KCTD10: variants seen among roughly 807,000 people sequenced by gnomAD.
The protein encoded by KCTD10 is BTB/POZ domain-containing adapter for CUL3-mediated RhoA degradation protein 3.
Under a neutral mutation model 34.6 loss-of-function variants are expected in KCTD10, and 13 were observed. That is an observed-to-expected ratio of 0.38 (90% confidence interval 0.24 to 0.60). KCTD10 has a LOEUF of 0.60. Among genes scored for constraint, KCTD10 ranks in the 20% least tolerant of loss-of-function variants. KCTD10 has a pLI of 0.66. For missense variants in KCTD10, 256 were observed against 420.3 expected, an observed-to-expected ratio of 0.61 and a Z score of 3.42; for synonymous variants, 156 against 168.8, an observed-to-expected ratio of 0.92 and a Z score of 0.59.
At chr12:109,452,207 T>G (rs1872807855) in intron 6 of KCTD10, among the ~76,000 whole-genome samples, 1 of 152,210 alleles carries the variant, frequency 6.6e-6, no homozygotes, top group Non-Finnish European at 1.5e-5. Context: ...AACCTAGAGA[T>G]CATTCTGTAT....
chr12:109,457,866 CCA>C, intron 4 of KCTD10, 124 bp downstream of exon 4: 1 of 1,006,364 alleles, frequency 9.9e-7, no homozygotes, highest in East Asian at 2.4e-5. Context: ...CTGTAGCTTC[CCA>C]CTGTGAACCC....
intron 5 of KCTD10, 192 bp from the exon 6 acceptor site, chr12:109,456,505 T>TA (rs1873025472): frequency 1.6e-6 from 1 of 624,392 alleles, no homozygotes; most frequent in South Asian, 1.9e-5. Flanking sequence ...AGAAATTAGG[T>TA]AATTGCTCAA....
intron 1 of KCTD10, chr12:109,471,356 T>C: frequency 2.0e-6 from 2 of 985,410 alleles, no homozygotes; most frequent in Non-Finnish European, 2.4e-6. Flanking sequence ...GTGGCCTGGA[T>C]ATCACCTGCC....
intron 1 of KCTD10, among the ~76,000 whole-genome samples, chr12:109,474,831 G>A (rs1032878472): frequency 6.6e-6 from 1 of 152,148 alleles, no homozygotes; most frequent in Non-Finnish European, 1.5e-5. Flanking sequence ...GCTCAGGCAA[G>A]TACAGTAGGA....
rs1872702065 is a variant in KCTD10, at chr12:109,450,247, G to A, written c.*1348C>T. ...AGTCTAGTCTCAACCACCCCTGTCA[G>A]TCACGACTCACTCCTGTTCCTTTGC... On this transcript the variant is annotated 3_prime_UTR_variant, in exon 7 of 7. Transcript: ENST00000228495. The A allele has an allele frequency of 5.0e-6, 2 of 398,632 alleles. No individual in the cohort carries two copies. The highest frequency in any genetic ancestry group is 2.5e-4 in the South Asian group (2 of 7,854). 24.7% of individuals were successfully genotyped at this position (398,632 alleles called of 1,614,324 possible).
In KCTD10 at chr12:109,451,580, C is replaced by G. The variant is rs377189484; in HGVS notation, c.*15G>C. On this transcript the variant is annotated 3_prime_UTR_variant, in exon 7 of 7. Transcript: ENST00000228495. The surrounding 1 kb of genome is among the most constrained non-coding windows in gnomAD (Gnocchi z 5.0). ...TGGGGGCGGTGAGAGGAGGGCGGCT[C>G]GGTCTCTTGCCTGCTCACTGGTGGA... is the stretch of plus-strand genomic sequence containing the variant. The G allele has an allele frequency of 3.1e-6, 5 of 1,591,936 alleles. No individual in the cohort carries two copies. The highest frequency in any genetic ancestry group is 3.4e-6 in the Non-Finnish European group (4 of 1,168,348).
chr12:109,471,007 G>C (rs1444288019), intron 1 of KCTD10: 5 of 544,006 alleles, frequency 9.2e-6, no homozygotes, highest in Non-Finnish European at 1.2e-5. Flanking sequence ...ATGTCCCACA[G>C]TTCTTCCCCA....
chr12:109,471,498 A>C, intron 1 of KCTD10: 6 of 846,612 alleles, frequency 7.1e-6, no homozygotes, highest in Non-Finnish European at 8.5e-6. Flanking sequence ...GGCTTAGCTC[A>C]CCTGGGGTCT....
chr12:109,467,720 A>C (rs999009785), intron 2 of KCTD10, among the ~76,000 whole-genome samples: 1 of 152,118 alleles, frequency 6.6e-6, no homozygotes, highest in African/African-American at 2.4e-5. Flanking sequence ...AACAAGTCAC[A>C]GTTTGCAGTG....
At chr12:109,471,496 T>TCAC (rs1873884037) in intron 1 of KCTD10, 1 of 848,438 alleles carries the variant, frequency 1.2e-6, no homozygotes, top group Non-Finnish European at 1.4e-6. Flanking sequence ...CAGGCTTAGC[T>TCAC]CACCTGGGGT....
chr12:109,470,207 G>C, intron 1 of KCTD10: 1 of 986,860 alleles, frequency 1.0e-6, no homozygotes, highest in Non-Finnish European at 1.2e-6. Context: ...CCACTCAATA[G>C]CTAGCTAAGT....
chr12:109,460,616 GAAGA>G lies in KCTD10; in HGVS notation c.387+16_387+19del. The G allele has an allele frequency of 6.2e-7, 1 of 1,608,786 alleles. No homozygotes were observed. Among genetic ancestry groups the G allele is most frequent in the Non-Finnish European group, 8.5e-7 (1 of 1,176,490 alleles). Reference sequence around the variant, plus strand: ...GCTTGGTGCCTCTCCACCCATATGGGAAGAAAGGGTGATGCCTACTTGTAGGGCC... The same window carrying G: ...GCTTGGTGCCTCTCCACCCATATGGGAAGGGTGATGCCTACTTGTAGGGCC... On this transcript the variant is annotated intron_variant, in intron 3 of 6. Coordinates refer to ENST00000228495, the MANE Select transcript of KCTD10 (RefSeq NM_031954.5). This position sits in a 1 kb window ranked among gnomAD's most constrained non-coding sequence, Gnocchi z 4.5.
intron 1 of KCTD10, among the ~76,000 whole-genome samples, chr12:109,471,609 G>A (rs1430031479): frequency 2.0e-5 from 3 of 152,090 alleles, no homozygotes; most frequent in Non-Finnish European, 2.9e-5. Context: ...CACACTAACA[G>A]TTATGACCAG....
Position 109,457,676 on chromosome 12 carries a change from C to T in KCTD10, c.481G>A (p.Val161Met), listed in dbSNP as rs776814524. The stretch of plus-strand genomic sequence containing the variant: ...TTACTTCTGTTGTAGAGCAACTTCA[C>T]GGCTGGCTGTGGGTTGTTTTAAAAG... ...KLIATSNKPA[V>M]KLLYNRSNNK... Residue 161 changes from valine to methionine, a missense_variant, in exon 5 of 7, where the codon GTG (valine) becomes ATG (methionine). Val to Met is a conservative substitution (Grantham distance 21). Transcript: ENST00000228495. The T allele has an allele frequency of 3.7e-6, 6 of 1,614,026 alleles. No homozygotes were observed. The highest frequency in any genetic ancestry group is 1.3e-5 in the African/African-American group (1 of 74,936).
In KCTD10 at chr12:109,458,498, A is replaced by G. The variant is rs138148435; in HGVS notation, c.388-420T>C. ...AGTGAGGTCAGCAGACCAGTAAAAA[A>G]AGTCAAAAATTTGAGGGTAGAAAGG... On this transcript the variant is annotated intron_variant, in intron 3 of 6. Transcript: ENST00000228495. 21 of 155,672 alleles carry G rather than the reference A, an allele frequency of 1.3e-4. No individual in the cohort carries two copies. The East Asian group carries it at 3.6e-3, about 27-fold the overall frequency. The allele number at this position is 155,672 out of a possible 1,614,324, so 9.6% of individuals were successfully genotyped here.
chr12:109,455,431 G>A (rs1167949071), intron 6 of KCTD10: 4 of 152,092 alleles, frequency 2.6e-5, no homozygotes, highest in African/African-American at 9.7e-5. Flanking sequence ...TTTGTGATGT[G>A]ATGATTTCTT....
intron 6 of KCTD10, among the ~76,000 whole-genome samples, chr12:109,454,222 C>T (rs1447956940): frequency 1.3e-5 from 2 of 152,202 alleles, no homozygotes; most frequent in African/African-American, 4.8e-5. Context: ...TTTGGAATTA[C>T]CTGACAAAGA....
intron 6 of KCTD10, among the ~76,000 whole-genome samples, chr12:109,454,984 T>TA (rs959739210): frequency 2.0e-4 from 31 of 151,244 alleles, no homozygotes; most frequent in African/African-American, 7.0e-4. Flanking sequence ...GGTATATTTT[T>TA]AAAAAATCAA....
At position 109,465,364 on chromosome 12, in the gene KCTD10, G is replaced by T. The variant is rs143818969; in HGVS notation, c.217+4151C>A. Among the ~76,000 whole-genome samples, 146 of 152,282 alleles carry T rather than the reference G, an allele frequency of 9.6e-4. 1 individual carries two copies. The highest frequency in any genetic ancestry group is 3.4e-3 in the African/African-American group (140 of 41,544). On this transcript the variant is annotated intron_variant, in intron 2 of 6. Coordinates refer to ENST00000228495, the MANE Select transcript of KCTD10 (RefSeq NM_031954.5). ...TCACGTTTAAAAACACACCAACAGCGCCTTGTTTAGGGACATGCACAGCTA... is the reference window on the plus strand; with the variant it reads ...TCACGTTTAAAAACACACCAACAGCTCCTTGTTTAGGGACATGCACAGCTA...
Sources: allele counts gnomAD v4.1 joint callset (sites outside exome capture counted in the v4.1 genomes callset), GRCh38; gene constraint gnomAD v4.1.1; non-coding constraint Gnocchi (gnomAD v3.1); transcripts MANE v1.5; gene names NCBI Gene and HGNC (gene_info 2026-07-23, HGNC 2026-07-21).